Variants in LZTS1 observed in about 807,000 individuals in gnomAD.
LZTS1 encodes the protein leucine zipper tumor suppressor 1.
LZTS1 carries 31 observed loss-of-function variants against 45.8 expected under a neutral mutation model. The ratio of observed to expected loss-of-function variants is 0.68; its 90% confidence interval spans 0.51 to 0.91. LZTS1 has a LOEUF of 0.91. Ranked by LOEUF, LZTS1 falls within the 40% of genes least tolerant of loss-of-function variation. The pLI is 0.00. For synonymous variants in LZTS1, 359 were observed against 357.3 expected (o/e 1.00, Z -0.05); for missense variants, 821 against 788.9 (o/e 1.04, Z -0.49).
chr8:20,281,082 G>A (rs1421743751), intron 1 of LZTS1, among the ~76,000 whole-genome samples: 1 of 152,182 alleles, frequency 6.6e-6, no homozygotes, highest in Non-Finnish European at 1.5e-5. Context: ...ATTTTTTAAC[G>A]TAATGGTTAT....
intron 1 of LZTS1, among the ~76,000 whole-genome samples, chr8:20,255,526 T>G (rs1800077827): frequency 6.6e-6 from 1 of 152,096 alleles, no homozygotes; most frequent in Admixed American, 6.6e-5. Flanking sequence ...CTCTAAACAC[T>G]CGGGACCCAG....
In LZTS1 at chr8:20,292,846, C is replaced by G. The variant is rs367626892; in HGVS notation, c.-135+10894G>C. 3.3e-5 allele frequency among the ~76,000 whole-genome samples: 5 copies of G among 152,320 alleles called. No individual in the cohort carries two copies. The East Asian group carries it at 5.8e-4, about 18-fold the overall frequency. On this transcript the variant is annotated intron_variant, in intron 1 of 3. Coordinates refer to ENST00000381569, the MANE Select transcript of LZTS1 (RefSeq NM_021020.5). ...CATCGATCCTGGCTCTGCCATGTCC[C>G]TCAGCCATGGGACCCTGAGAAAGTT... is the stretch of plus-strand genomic sequence containing the variant.
intron 1 of LZTS1, among the ~76,000 whole-genome samples, chr8:20,258,332 C>T (rs2128893738): frequency 6.6e-6 from 1 of 152,210 alleles, no homozygotes; most frequent in African/African-American, 2.4e-5. Context: ...TGCATGGGCA[C>T]AGCTGAAAGG....
In LZTS1 at chr8:20,250,247, C is replaced by A. The variant is rs766988972; in HGVS notation, c.1266G>T (p.Thr422=). 6.2e-7 allele frequency: 1 copy of A among 1,613,700 alleles called. No homozygotes were observed. Among genetic ancestry groups the A allele is most frequent in the East Asian group, 2.2e-5 (1 of 44,884 alleles). The change falls in exon 4 of 4, where the codon ACG becomes ACT. Residue 422 remains threonine (T), a synonymous_variant. Transcript: ENST00000381569. ...ILGLKAQLKD[T]RGKLEGLELR... ...GCTCCAGGCCCTCCAGCTTGCCCCG[C>A]GTGTCCTTCAGCTGTGCCTTGAGAC...
intron 1 of LZTS1, among the ~76,000 whole-genome samples, chr8:20,297,262 C>T (rs1047030054): frequency 1.3e-5 from 2 of 152,198 alleles, no homozygotes; most frequent in Admixed American, 6.5e-5. Context: ...GTGGAGGCAA[C>T]ATTTGCTCTA....
chr8:20,300,911 G>C (rs1801064330), intron 1 of LZTS1, among the ~76,000 whole-genome samples: 1 of 152,078 alleles, frequency 6.6e-6, no homozygotes, highest in Non-Finnish European at 1.5e-5. Context: ...CTTGAGGTCA[G>C]GAGTTCAAGA....
chr8:20,254,742 G>C, intron 2 of LZTS1, 95 bp downstream of exon 2: 2 of 1,060,932 alleles, frequency 1.9e-6, no homozygotes, highest in Admixed American at 2.7e-5. Flanking sequence ...GAATGCTCAG[G>C]TCACCACTCC....
intron 1 of LZTS1, among the ~76,000 whole-genome samples, chr8:20,294,364 C>T (rs1178174248): frequency 1.3e-5 from 2 of 152,264 alleles, no homozygotes; most frequent in African/African-American, 4.8e-5. Context: ...CCTGCCCCAC[C>T]AGCCACCAGC....
chr8:20,253,545 G>C lies in LZTS1; in HGVS notation c.386C>G (p.Pro129Arg), dbSNP rs377331309. 1 of 1,501,542 alleles carries C rather than the reference G, an allele frequency of 6.7e-7. No homozygotes were observed. Among genetic ancestry groups the C allele is most frequent in the East Asian group, 2.4e-5 (1 of 42,136 alleles). 93.0% of individuals were successfully genotyped at this position (1,501,542 alleles called of 1,614,324 possible). A position where few individuals can be genotyped will look rare whatever the true frequency, so the allele number is the denominator to read the frequency against. Residue 129 changes from proline to arginine, a missense_variant, in exon 3 of 4, where the codon CCT becomes CGT. Transcript: ENST00000381569. ...GATGGCTCCTGACCGTGGCAGCACA[G>C]GCTTGAAGGCTGTGGGCCTCACTGC... ...KGAVRPTAFKPVLPRSGAILH... is the reference protein window; with the variant it reads ...KGAVRPTAFKRVLPRSGAILH...
chr8:20,294,080 C>T (rs1800943337), intron 1 of LZTS1, among the ~76,000 whole-genome samples: 1 of 152,148 alleles, frequency 6.6e-6, no homozygotes, highest in African/African-American at 2.4e-5. Context: ...GGTTTTTAAG[C>T]ATCCTTTCAA....
chr8:20,264,105 T>C (rs1295014594), intron 1 of LZTS1, among the ~76,000 whole-genome samples: 1 of 152,224 alleles, frequency 6.6e-6, no homozygotes, highest in Non-Finnish European at 1.5e-5. Flanking sequence ...TATTTTAACG[T>C]CTATGAATGC....
chr8:20,291,939 A>C (rs1293445458), intron 1 of LZTS1, among the ~76,000 whole-genome samples: 2 of 152,124 alleles, frequency 1.3e-5, no homozygotes, highest in Non-Finnish European at 2.9e-5. Context: ...TGCTCTCTCC[A>C]CCTGCTTCTG....
At chr8:20,299,761 C>T (rs1195325393) in intron 1 of LZTS1, among the ~76,000 whole-genome samples, 1 of 152,076 alleles carries the variant, frequency 6.6e-6, no homozygotes, top group Non-Finnish European at 1.5e-5. Context: ...GATTACCTCC[C>T]CAAACATGGT....
Position 20,263,383 on chromosome 8 carries a change from C to G in LZTS1, c.-134-8068G>C, listed in dbSNP as rs189272615. ...TTAAGAATTTAATGAGAGCTGTCAA[C>G]CCCCTCTTCAGAAAAACGCACCCTC... On this transcript the variant is annotated intron_variant, in intron 1 of 3. Transcript: ENST00000381569. Among the ~76,000 whole-genome samples, 11 of 151,770 alleles carry G rather than the reference C, an allele frequency of 7.2e-5. No individual in the cohort carries two copies. In the East Asian group the frequency reaches 2.1e-3, roughly 29 times the overall value.
chr8:20,262,838 G>A (rs1253661703), intron 1 of LZTS1, among the ~76,000 whole-genome samples: 1 of 152,166 alleles, frequency 6.6e-6, no homozygotes, highest in Non-Finnish European at 1.5e-5. Flanking sequence ...CGGTTCTGTG[G>A]TTAAGAAACT....
Position 20,303,880 on chromosome 8 carries a change from C to G in LZTS1, c.-275G>C. ...CGGGATGCAGCTCCCGGCTCCCACT[C>G]ACTGGCCGAGGCGGGCAGAGAAACT... On this transcript the variant is annotated 5_prime_UTR_variant, in exon 1 of 4. Coordinates refer to ENST00000381569, the MANE Select transcript of LZTS1 (RefSeq NM_021020.5). 1 of 985,110 alleles carries G rather than the reference C, an allele frequency of 1.0e-6. No individual in the cohort carries two copies. Among genetic ancestry groups the G allele is most frequent in the South Asian group, 4.7e-5 (1 of 21,292 alleles). The allele number at this position is 985,110 out of a possible 1,614,324, so 61.0% of individuals were successfully genotyped here. A position where few individuals can be genotyped will look rare whatever the true frequency, so the allele number is the denominator to read the frequency against.
intron 1 of LZTS1, among the ~76,000 whole-genome samples, chr8:20,271,236 C>T (rs1217138729): frequency 6.6e-6 from 1 of 152,156 alleles, no homozygotes; most frequent in Non-Finnish European, 1.5e-5. Context: ...AAGCTCCTTG[C>T]CTCCTCCTGC....
chr8:20,249,466 A>G lies in LZTS1; in HGVS notation c.*256T>C. 2.0e-6 allele frequency: 1 copy of G among 487,856 alleles called. No individual in the cohort carries two copies. Among genetic ancestry groups the G allele is most frequent in the African/African-American group, 1.9e-5 (1 of 51,862 alleles). The allele number at this position is 487,856 out of a possible 1,614,324, so 30.2% of individuals were successfully genotyped here. A position where few individuals can be genotyped will look rare whatever the true frequency, so the allele number is the denominator to read the frequency against. Reference sequence around the variant, plus strand: ...AGTTTAGGGAGCCCTTAACCAAAGCAGACAGACCCCTGGACCCATCTCCTG... The same window carrying G: ...AGTTTAGGGAGCCCTTAACCAAAGCGGACAGACCCCTGGACCCATCTCCTG... On this transcript the variant is annotated 3_prime_UTR_variant, in exon 4 of 4. Transcript: ENST00000381569.
intron 1 of LZTS1, among the ~76,000 whole-genome samples, chr8:20,260,262 T>C (rs548184904): frequency 2.0e-5 from 3 of 152,266 alleles, no homozygotes; most frequent in East Asian, 1.9e-4. Flanking sequence ...AGAGTCTCAC[T>C]CTGTCACCCA....
Sources: allele counts gnomAD v4.1 joint callset (sites outside exome capture counted in the v4.1 genomes callset), GRCh38; gene constraint gnomAD v4.1.1; transcripts MANE v1.5; gene names NCBI Gene and HGNC (gene_info 2026-07-23, HGNC 2026-07-21).